CLCN5: variants seen among roughly 807,000 people sequenced by gnomAD.
CLCN5 encodes the protein Cl-/H+ antiporter 5.
Under a neutral mutation model 54.0 loss-of-function variants are expected in CLCN5, and 17 were observed. That is an observed-to-expected ratio of 0.31 (90% CI 0.22 to 0.47). The LOEUF (loss-of-function observed/expected upper bound fraction) is 0.47. CLCN5 is among the 20% of genes least tolerant of loss of function. CLCN5 has a pLI of 1.00. For synonymous variants in CLCN5, 222 were observed against 233.0 expected (o/e 0.95, Z 0.43); for missense variants, 448 against 646.7 (o/e 0.69, Z 3.33).
chrX:50,068,409 C>T (rs917661666), intron 4 of CLCN5, among the ~76,000 whole-genome samples: 3 of 111,195 alleles, frequency 2.7e-5, no homozygotes, highest in African/African-American at 6.5e-5. Flanking sequence ...CAGTCAGGTA[C>T]GAATGAAGAT....
intron 3 of CLCN5, among the ~76,000 whole-genome samples, chrX:49,999,280 G>A (rs1027180930): frequency 1.4e-4 from 16 of 111,252 alleles, no homozygotes; most frequent in African/African-American, 4.9e-4. Context: ...GGTGTGAGCT[G>A]TCTCAGTTCC....
intron 3 of CLCN5, among the ~76,000 whole-genome samples, chrX:50,034,827 T>C (rs1931911796): frequency 9.0e-6 from 1 of 111,038 alleles, no homozygotes; most frequent in Non-Finnish European, 1.9e-5. Flanking sequence ...CTTTTCCTTC[T>C]TTCTCCTCCA....
chrX:50,001,628 A>C (rs1602031674), intron 3 of CLCN5, among the ~76,000 whole-genome samples: 1 of 53,070 alleles, frequency 1.9e-5, no homozygotes, highest in Admixed American at 3.0e-4. Flanking sequence ...CCCCCACCCC[A>C]TGACAGGCCC....
intron 3 of CLCN5, among the ~76,000 whole-genome samples, chrX:49,940,700 C>T (rs1009847450): frequency 1.8e-5 from 2 of 111,938 alleles, no homozygotes; most frequent in Non-Finnish European, 3.8e-5. Flanking sequence ...CACTTACCCA[C>T]GGGCTTTATT....
chrX:50,013,270 C>T (rs782718206), intron 3 of CLCN5: 6 of 367,802 alleles, frequency 1.6e-5, no homozygotes, highest in African/African-American at 5.6e-5. Flanking sequence ...CATTGCATAT[C>T]GGAGTTGTGA....
chrX:50,081,223 T>A (rs950712520), intron 8 of CLCN5, among the ~76,000 whole-genome samples: 1 of 92,088 alleles, frequency 1.1e-5, no homozygotes, highest in Non-Finnish European at 2.4e-5. Flanking sequence ...TAAGTCACAA[T>A]TTTTTTTTTT....
At chrX:50,019,210 T>C (rs782719143) in intron 3 of CLCN5, among the ~76,000 whole-genome samples, 12 of 111,654 alleles carry the variant, frequency 1.1e-4, no homozygotes, top group African/African-American at 3.9e-4. Flanking sequence ...TCATCTGAAT[T>C]AATCAAATTT....
chrX:50,082,501 C>T (rs781884122), intron 9 of CLCN5, among the ~76,000 whole-genome samples: 5 of 109,391 alleles, frequency 4.6e-5, no homozygotes, highest in East Asian at 5.8e-4. Context: ...TTTGTAGAGA[C>T]GGGGTTTCAC....
At chrX:50,032,661 T>G (rs1225523254) in intron 3 of CLCN5, among the ~76,000 whole-genome samples, 28 of 109,101 alleles carry the variant, frequency 2.6e-4, no homozygotes, top group East Asian at 5.7e-4. Context: ...TTTCTCCCAT[T>G]TTGTAGGTTG....
intron 3 of CLCN5, among the ~76,000 whole-genome samples, chrX:49,997,388 C>G (rs1823349124): frequency 9.0e-6 from 1 of 111,427 alleles, no homozygotes; most frequent in African/African-American, 3.3e-5. Flanking sequence ...CCTTTATTAT[C>G]TTGCCCCCCA....
chrX:50,044,808 A>G (rs1484376436), intron 4 of CLCN5, among the ~76,000 whole-genome samples: 2 of 111,195 alleles, frequency 1.8e-5, no homozygotes, highest in African/African-American at 6.5e-5. Flanking sequence ...CGGGCCTTGA[A>G]TGTCATGCTA....
chrX:49,958,538 C>A lies in CLCN5; in HGVS notation c.16+33224C>A, dbSNP rs782651609. Among the ~76,000 whole-genome samples, 3 of 111,753 alleles carry A rather than the reference C, an allele frequency of 2.7e-5. No homozygotes were observed. The South Asian group carries it at 1.1e-3, about 42-fold the overall frequency. ...CATTATAAACTGATTTTTTTCCCAT[C>A]AAGATTAGCAGTCTTTGTTTTCAGA... On this transcript the variant is annotated intron_variant, in intron 3 of 14. Coordinates refer to ENST00000376091, the MANE Select transcript of CLCN5 (RefSeq NM_001127898.4).
intron 3 of CLCN5, among the ~76,000 whole-genome samples, chrX:49,931,092 CAG>C (rs1212020727): frequency 1.8e-5 from 2 of 111,250 alleles, no homozygotes; most frequent in African/African-American, 6.5e-5. Flanking sequence ...GGGGACGGGA[CAG>C]AGAACAGTAT....
At chrX:49,975,781 A>T (rs937192349) in intron 3 of CLCN5, among the ~76,000 whole-genome samples, 1 of 111,916 alleles carries the variant, frequency 8.9e-6, no homozygotes, top group Non-Finnish European at 1.9e-5. Context: ...TGGATGTATG[A>T]GTGATTAAAC....
rs186358722 is a variant in CLCN5 at position 50,077,344 on chromosome X, A to G, written c.603+1362A>G. 6.6e-3 allele frequency among the ~76,000 whole-genome samples: 730 copies of G among 110,389 alleles called. 6 individuals are homozygous for G. Among genetic ancestry groups the G allele is most frequent in the African/African-American group, 0.022 (673 of 30,338 alleles). ...GCCAGAGGGTAGGTGAAACTATAGG[A>G]CAAACATTATTTGCCTTCCCAGAGC... On this transcript the variant is annotated intron_variant, in intron 7 of 14. Transcript: ENST00000376091.
chrX:50,048,868 A>G (rs1932481448), intron 4 of CLCN5, among the ~76,000 whole-genome samples: 1 of 111,512 alleles, frequency 9.0e-6, no homozygotes, highest in African/African-American at 3.3e-5. Flanking sequence ...CTGTTAGCCA[A>G]TGCAGTAAGG....
At chrX:50,007,433 C>CTCTT (rs2147391808) in intron 3 of CLCN5, among the ~76,000 whole-genome samples, 1 of 90,547 alleles carries the variant, frequency 1.1e-5, no homozygotes, top group Admixed American at 1.2e-4. Context: ...CTCTCTCTCT[C>CTCTT]TCTCTGTCAC....
chrX:50,079,574 G>C (rs1341728600), intron 7 of CLCN5, among the ~76,000 whole-genome samples: 2 of 112,066 alleles, frequency 1.8e-5, no homozygotes, highest in Admixed American at 1.9e-4. Context: ...CAGGGGAATA[G>C]TCTCAAAAAG....
intron 3 of CLCN5, among the ~76,000 whole-genome samples, chrX:49,966,474 T>C (rs1452739675): frequency 2.7e-5 from 3 of 109,092 alleles, no homozygotes; most frequent in Non-Finnish European, 5.7e-5. Context: ...GGTTAGGGGT[T>C]GATAAATTTT....
Sources: gnomAD v4.1 joint callset for allele counts (sites outside exome capture counted in the v4.1 genomes callset) on GRCh38, gnomAD v4.1.1 for gene constraint, MANE v1.5 for transcripts, NCBI Gene and HGNC (gene_info 2026-07-23, HGNC 2026-07-21) for gene names.